The following GRAMD4 variants were observed in gnomAD, a reference collection of about 807,000 sequenced individuals.
GRAMD4 encodes GRAM domain containing 4, also known as GRAM domain-containing protein 4.
GRAMD4 carries 25 observed loss-of-function variants against 83.9 expected under a neutral mutation model. That is an observed-to-expected ratio of 0.30 (90% confidence interval 0.22 to 0.42). The LOEUF is 0.42. GRAMD4 is among the 10% of genes least tolerant of loss of function. The probability of loss-of-function intolerance (pLI) is 1.00; values close to 1 mark genes in which losing one functional copy is unlikely to be tolerated. For synonymous variants in GRAMD4, 336 were observed against 320.9 expected, an observed-to-expected ratio of 1.05 and a Z score of -0.50; for missense variants, 593 against 788.7, an observed-to-expected ratio of 0.75 and a Z score of 2.97.
chr22:46,643,107 C>G (rs1398371988), intron 3 of GRAMD4, among the ~76,000 whole-genome samples: 6 of 151,644 alleles, frequency 4.0e-5, no homozygotes, highest in South Asian at 2.1e-4. Flanking sequence ...ATCCATCCAT[C>G]CATCCATCCA....
At chr22:46,601,717 G>T (rs1273463345) in intron 1 of GRAMD4, among the ~76,000 whole-genome samples, 1 of 152,060 alleles carries the variant, frequency 6.6e-6, no homozygotes, top group African/African-American at 2.4e-5. Context: ...GATTCCTTAA[G>T]CCCAGGAGTT....
At chr22:46,597,436 C>A (rs1213437433) in intron 1 of GRAMD4, among the ~76,000 whole-genome samples, 1 of 152,170 alleles carries the variant, frequency 6.6e-6, no homozygotes, top group East Asian at 1.9e-4. Context: ...TTCTCTCTCT[C>A]TTGCTCAAGT....
At chr22:46,607,205 A>AGGGGG (rs569194023) in intron 1 of GRAMD4, among the ~76,000 whole-genome samples, 1,693 of 108,794 alleles carry the variant, frequency 0.016, 37 homozygotes, top group African/African-American at 0.046. Context: ...GTCTTTAAAA[A>AGGGGG]GGGGGGGGTC....
At chr22:46,581,139 ATTGT>A (rs1021720535) in intron 1 of GRAMD4, among the ~76,000 whole-genome samples, 1 of 152,000 alleles carries the variant, frequency 6.6e-6, no homozygotes, top group East Asian at 1.9e-4. Context: ...TACTGTTCTG[ATTGT>A]TTGGTGTTTG....
At chr22:46,584,345 T>C (rs12485133) in intron 1 of GRAMD4, among the ~76,000 whole-genome samples, 68,087 of 151,998 alleles carry the variant, frequency 0.45, 17,721 homozygotes, top group East Asian at 0.71. Context: ...GAAATGCACG[T>C]GTGAGCTGAC....
At chr22:46,630,071 C>G (rs571958449) in intron 2 of GRAMD4, among the ~76,000 whole-genome samples, 118 of 152,038 alleles carry the variant, frequency 7.8e-4, no homozygotes, top group African/African-American at 2.5e-3. Context: ...GTCACCCAGG[C>G]TGGAGTGCAG....
chr22:46,677,604 C>T lies in GRAMD4; in HGVS notation c.*353C>T. 9.7e-7 allele frequency: 1 copy of T among 1,034,782 alleles called. No homozygotes were observed. The highest frequency in any genetic ancestry group is 1.2e-6 in the Non-Finnish European group (1 of 860,400). 64.1% of individuals were successfully genotyped at this position (1,034,782 alleles called of 1,614,324 possible). On this transcript the variant is annotated 3_prime_UTR_variant, in exon 19 of 19. Coordinates refer to ENST00000406902, the MANE Select transcript of GRAMD4 (RefSeq NM_015124.5). ...GGACAGAGAAACCTCTCCAGCCACCCCAAGAGGTTCTCGCAACCTTGTGTC... is the reference window on the plus strand; with the variant it reads ...GGACAGAGAAACCTCTCCAGCCACCTCAAGAGGTTCTCGCAACCTTGTGTC...
intron 2 of GRAMD4, among the ~76,000 whole-genome samples, chr22:46,630,973 T>TCCCTCGGTC: frequency 6.7e-6 from 1 of 149,558 alleles, no homozygotes; most frequent in South Asian, 2.1e-4. Context: ...CCTCCATAGC[T>TCCCTCGGTC]CCCTCGAGGG....
chr22:46,650,616 G>A (rs2082152375), intron 3 of GRAMD4, among the ~76,000 whole-genome samples: 1 of 152,262 alleles, frequency 6.6e-6, no homozygotes, highest in African/African-American at 2.4e-5. Flanking sequence ...CCTCGCAGAT[G>A]CTGGGGAGGC....
chr22:46,610,680 A>T (rs113870955), intron 1 of GRAMD4, among the ~76,000 whole-genome samples: 1 of 152,250 alleles, frequency 6.6e-6, no homozygotes, highest in African/African-American at 2.4e-5. Flanking sequence ...TGGCAGGAAG[A>T]CATGGCGAAT....
intron 6 of GRAMD4, 31 bp from the exon 7 acceptor site, chr22:46,663,807 C>T (rs2082367246): frequency 8.1e-6 from 13 of 1,612,018 alleles, no homozygotes; most frequent in Non-Finnish European, 1.1e-5. Flanking sequence ...TGCATTAACC[C>T]TGGGCTCCCA....
intron 1 of GRAMD4, among the ~76,000 whole-genome samples, chr22:46,602,209 G>A (rs747772264): frequency 2.6e-5 from 4 of 152,210 alleles, no homozygotes; most frequent in Non-Finnish European, 4.4e-5. Context: ...GCCATCGTGC[G>A]TGTGAGAGAC....
At chr22:46,615,447 G>A, upstream of GRAMD4, among the ~76,000 whole-genome samples, 1 of 134,586 alleles carries the variant, frequency 7.4e-6, no homozygotes, top group African/African-American at 2.8e-5. Flanking sequence ...CGCTGTGCGT[G>A]TCGGTTTCCC....
intron 1 of GRAMD4, among the ~76,000 whole-genome samples, chr22:46,605,923 C>G (rs61541857): frequency 2.7e-5 from 2 of 74,300 alleles, no homozygotes; most frequent in African/African-American, 9.1e-5. Context: ...TTGGTTTATT[C>G]CTGGTGCTGA....
At chr22:46,673,861 T>C in intron 15 of GRAMD4, 47 bp downstream of exon 15, 3 of 1,602,340 alleles carry the variant, frequency 1.9e-6, no homozygotes, top group Non-Finnish European at 2.6e-6. Flanking sequence ...CGACACAGAC[T>C]GAAGGCCCGT....
chr22:46,653,907 G>A (rs992384814), intron 3 of GRAMD4, among the ~76,000 whole-genome samples: 13 of 152,124 alleles, frequency 8.5e-5, no homozygotes, highest in Admixed American at 3.9e-4. Context: ...GTGTTCCCAC[G>A]TGATAGAGTC....
Position 46,620,581 on chromosome 22 carries a change from CAGGGGGCAGGGGGA to C in GRAMD4, c.-50+17_-50+30del. 2.6e-5 allele frequency: 1 copy of C among 38,776 alleles called. No homozygotes were observed. The highest frequency in any genetic ancestry group is 3.6e-5 in the Non-Finnish European group (1 of 28,112). 2.4% of individuals were successfully genotyped at this position (38,776 alleles called of 1,614,324 possible). A position where few individuals can be genotyped will look rare whatever the true frequency, so the allele number is the denominator to read the frequency against. On this transcript the variant is annotated intron_variant, in intron 1 of 18. Transcript: ENST00000406902. The surrounding 1 kb of genome is among the most constrained non-coding windows in gnomAD (Gnocchi z 4.7). Reference sequence around the variant, plus strand: ...ACAGACGGAGGTAGGGGGCAGGGGGCAGGGGGCAGGGGGACATGGTAGGGCCCATCTGAGTGGAA... The same window carrying C: ...ACAGACGGAGGTAGGGGGCAGGGGGCCATGGTAGGGCCCATCTGAGTGGAA...
At chr22:46,676,340 C>T (rs1187336876) in intron 17 of GRAMD4, among the ~76,000 whole-genome samples, 1 of 152,180 alleles carries the variant, frequency 6.6e-6, no homozygotes, top group Non-Finnish European at 1.5e-5. Flanking sequence ...CTCCTCAGGC[C>T]GGCTTGTCTC....
chr22:46,650,930 C>T (rs1027329002), intron 3 of GRAMD4, among the ~76,000 whole-genome samples: 6 of 152,206 alleles, frequency 3.9e-5, no homozygotes, highest in South Asian at 2.1e-4. Flanking sequence ...CCTCTGGGCA[C>T]GCAGAGTGTC....
Sources: gnomAD v4.1 joint callset for allele counts (sites outside exome capture counted in the v4.1 genomes callset) on GRCh38, gnomAD v4.1.1 for gene constraint, Gnocchi (gnomAD v3.1) non-coding constraint, MANE v1.5 for transcripts, NCBI Gene and HGNC (gene_info 2026-07-23, HGNC 2026-07-21) for gene names.